The following ZNF552 variants were observed in gnomAD, a reference collection of about 807,000 sequenced individuals.
ZNF552 encodes zinc finger protein 552.
In ZNF552, 2 loss-of-function variants were observed where a neutral mutation model predicts 7.2. The observed-to-expected ratio is 0.28, with a 90% CI of 0.11 to 0.88. The LOEUF is 0.88. Among genes scored for constraint, ZNF552 ranks in the 40% least tolerant of loss-of-function variants. The probability of loss-of-function intolerance (pLI) is 0.60; values close to 1 mark genes in which losing one functional copy is unlikely to be tolerated. For missense variants in ZNF552, 421 were observed against 493.4 expected, an observed-to-expected ratio of 0.85 and a Z score of 1.39; for synonymous variants, 173 against 176.5, an observed-to-expected ratio of 0.98 and a Z score of 0.16.
intron 1 of ZNF552, 122 bp downstream of exon 1, chr19:57,814,589 G>A (rs1987922897): frequency 6.3e-7 from 1 of 1,577,694 alleles, no homozygotes; most frequent in Non-Finnish European, 8.6e-7. Context: ...CCTCCCGAGA[G>A]CGCCTCAGTG....
intron 2 of ZNF552, 148 bp downstream of exon 2, chr19:57,813,146 G>A: frequency 1.5e-6 from 2 of 1,335,678 alleles, no homozygotes; most frequent in East Asian, 2.5e-5. Flanking sequence ...GAATGGAGAG[G>A]GCAGTATGCA....
intron 1 of ZNF552, 110 bp downstream of exon 1, chr19:57,814,601 C>T (rs893508882): frequency 3.1e-6 from 5 of 1,590,268 alleles, no homozygotes; most frequent in Non-Finnish European, 4.3e-6. Context: ...GCCTCAGTGT[C>T]CCGACGCCGG....
chr19:57,808,565 C>T lies in ZNF552; in HGVS notation c.699G>A (p.Leu233=). 1 of 1,614,166 alleles carries T rather than the reference C, an allele frequency of 6.2e-7. No homozygotes were observed. The highest frequency in any genetic ancestry group is 8.5e-7 in the Non-Finnish European group (1 of 1,180,024). ...ACACAGAAGGTTCTTCTGTAGGGAG[C>T]AGTCTCTCGTGCTGACTGAGTATAT... ...TKDILSQHER[L]LPTEEPSVWC... Residue 233 remains leucine, a synonymous_variant, in exon 3 of 3, where the codon CTG becomes CTA. Transcript: ENST00000391701.
chr19:57,814,606 C>G, intron 1 of ZNF552, 105 bp downstream of exon 1: 1 of 1,595,544 alleles, frequency 6.3e-7, no homozygotes, highest in Non-Finnish European at 8.5e-7. Context: ...AGTGTCCCGA[C>G]GCCGGGTCCG....
In ZNF552 at chr19:57,808,458, G is replaced by A. The variant is rs34952901; in HGVS notation, c.806C>T (p.Thr269Met). 1,546 of 1,613,814 alleles carry A rather than the reference G, an allele frequency of 9.6e-4. 16 individuals are homozygous for A. In the African/African-American group the frequency reaches 0.018, roughly 19 times the overall value. The part of the protein sequence containing the change: ...QGVHTREKPY[T>M]CGICGKLFNS... ...AAATAATTTCCCACATATCCCACAC[G>A]TATAAGGTTTTTCTCTAGTGTGAAC... The change falls in exon 3 of 3, where the codon ACG becomes ATG. Residue 269 changes from threonine (T) to methionine (M), a missense_variant. By Grantham distance (81) the Thr-to-Met change is moderately conservative. Around this residue, in one of 2 missense-constraint regions of ZNF552, gnomAD observed 299 missense variants for 293.7 expected, o/e 1.02. Coordinates refer to ENST00000391701, the MANE Select transcript of ZNF552 (RefSeq NM_024762.3).
chr19:57,811,313 A>G (rs1987852704), intron 2 of ZNF552, among the ~76,000 whole-genome samples: 1 of 152,032 alleles, frequency 6.6e-6, no homozygotes, highest in Non-Finnish European at 1.5e-5. Flanking sequence ...AGCTGGGACT[A>G]CAGGCGCCCG....
intron 1 of ZNF552, among the ~76,000 whole-genome samples, chr19:57,814,066 A>C (rs1987911664): frequency 6.6e-6 from 1 of 152,040 alleles, no homozygotes; most frequent in African/African-American, 2.4e-5. Context: ...CGTTCCTTAA[A>C]TGCTTCTACA....
intron 2 of ZNF552, among the ~76,000 whole-genome samples, chr19:57,810,136 G>T (rs1987825969): frequency 6.6e-6 from 1 of 151,636 alleles, no homozygotes; most frequent in African/African-American, 2.4e-5. Context: ...GAGGAGAGGA[G>T]AGGGGAGGGA....
chr19:57,808,707 T>C lies in ZNF552; in HGVS notation c.557A>G (p.Gln186Arg), dbSNP rs1568490187. ...KDFLLRSGLL[Q>R]QEATHTGKSN... is the part of the protein sequence containing the mutation. ...CTTCCCAGTGTGAGTGGCCTCTTGC[T>C]GGAGTAATCCTGACCTGAGCAAAAA... The change falls in exon 3 of 3, where the codon CAG becomes CGG. Residue 186 changes from glutamine to arginine, a missense_variant. Physicochemically the swap from Gln to Arg is conservative, Grantham distance 43. This residue lies in a region of ZNF552 where 299 missense variants were observed against 293.7 expected (regional missense o/e 1.02). Coordinates refer to ENST00000391701, the MANE Select transcript of ZNF552 (RefSeq NM_024762.3). The C allele has an allele frequency of 1.2e-6, 2 of 1,614,220 alleles. No individual in the cohort carries two copies. The highest frequency in any genetic ancestry group is 2.2e-5 in the South Asian group (2 of 91,092).
At chr19:57,814,537 C>A (rs1306243591) in intron 1 of ZNF552, 174 bp downstream of exon 1, 1 of 1,539,820 alleles carries the variant, frequency 6.5e-7, no homozygotes, top group South Asian at 1.2e-5. Flanking sequence ...CTGTACCTGT[C>A]GCTCTCCCCA....
At chr19:57,810,391 A>G (rs1461731681) in intron 2 of ZNF552, among the ~76,000 whole-genome samples, 2 of 152,200 alleles carry the variant, frequency 1.3e-5, no homozygotes, top group Admixed American at 1.3e-4. Flanking sequence ...CAGACATAAG[A>G]GACTCCATTT....
intron 2 of ZNF552, among the ~76,000 whole-genome samples, chr19:57,809,671 A>C (rs1471655731): frequency 6.6e-6 from 1 of 152,066 alleles, no homozygotes; most frequent in Non-Finnish European, 1.5e-5. Flanking sequence ...TACAACTGAC[A>C]AGGAGTACAA....
In ZNF552 at chr19:57,810,480, A is replaced by G. The variant is rs1391189348; in HGVS notation, c.161-1377T>C. On this transcript the variant is annotated intron_variant, in intron 2 of 2. Transcript: ENST00000391701. Reference sequence around the variant, plus strand: ...CTACTCCCAACCCTGTGCTCCAGAAACATGTGCTGTGTCAACTCAAGGTTA... The same window carrying G: ...CTACTCCCAACCCTGTGCTCCAGAAGCATGTGCTGTGTCAACTCAAGGTTA... Among the ~76,000 whole-genome samples, 5 of 152,302 alleles carry G rather than the reference A, an allele frequency of 3.3e-5. No individual in the cohort carries two copies. In the East Asian group the frequency reaches 9.7e-4, roughly 29 times the overall value.
intron 2 of ZNF552, among the ~76,000 whole-genome samples, chr19:57,811,784 A>C (rs1987863736): frequency 6.6e-6 from 1 of 150,636 alleles, no homozygotes; most frequent in Non-Finnish European, 1.5e-5. Context: ...TAATCCCAGC[A>C]CTGTGGGAGG....
At chr19:57,811,969 C>T (rs1347635727) in intron 2 of ZNF552, among the ~76,000 whole-genome samples, 5 of 137,892 alleles carry the variant, frequency 3.6e-5, no homozygotes, top group Non-Finnish European at 6.0e-5. Flanking sequence ...GTGGAGGTTG[C>T]AGTGAGCCAA....
chr19:57,812,161 A>G (rs1311026990), intron 2 of ZNF552, among the ~76,000 whole-genome samples: 1 of 152,038 alleles, frequency 6.6e-6, no homozygotes, highest in African/African-American at 2.4e-5. Flanking sequence ...AGATCAAGCT[A>G]CTGCACTCCA....
At position 57,808,095 on chromosome 19, in the gene ZNF552, C is replaced by G. The variant is rs1314587517; in HGVS notation, c.1169G>C (p.Arg390Thr). 1.2e-6 allele frequency: 2 copies of G among 1,613,898 alleles called. No individual in the cohort carries two copies. Among genetic ancestry groups the G allele is most frequent in the African/African-American group, 1.3e-5 (1 of 74,878 alleles). ...YGCSECEKKFRQISSLRHHQR... is the reference protein window; with the variant it reads ...YGCSECEKKFTQISSLRHHQR... ...ATGATGACGAAGTGAAGAGATTTGC[C>G]TAAATTTTTTTTCACATTCACTGCA... is the stretch of plus-strand genomic sequence containing the variant. Residue 390 changes from arginine (R) to threonine (T), a missense_variant, in exon 3 of 3, where the codon AGG becomes ACG. By Grantham distance (71) the Arg-to-Thr change is moderately conservative. This residue lies in a region of ZNF552 where 299 missense variants were observed against 293.7 expected (regional missense o/e 1.02). Transcript: ENST00000391701.
Position 57,814,881 on chromosome 19 carries a change from G to C in ZNF552, c.-138C>G, listed in dbSNP as rs1203803125. ...CACGGTCCCAACACAGCGCTCCAAG[G>C]ACTCCCTAACGCCAATGGAAATGGT... On this transcript the variant is annotated 5_prime_UTR_variant, in exon 1 of 3. Coordinates refer to ENST00000391701, the MANE Select transcript of ZNF552 (RefSeq NM_024762.3). The C allele has an allele frequency of 3.3e-6, 3 of 896,278 alleles. No homozygotes were observed. Among genetic ancestry groups the C allele is most frequent in the Non-Finnish European group, 5.0e-6 (3 of 600,250 alleles). 55.5% of individuals were successfully genotyped at this position (896,278 alleles called of 1,614,324 possible). A position where few individuals can be genotyped will look rare whatever the true frequency, so the allele number is the denominator to read the frequency against.
At position 57,808,656 on chromosome 19, in the gene ZNF552, G is replaced by A. The variant is rs374514848; in HGVS notation, c.608C>T (p.Ser203Phe). ...ATGGCTTTTTCCCCCATGAAACAGAGACACACACTCAGTTTTGCTGTTTGA... is the reference window on the plus strand; with the variant it reads ...ATGGCTTTTTCCCCCATGAAACAGAAACACACACTCAGTTTTGCTGTTTGA... ...GKSNSKTECV[S>F]LFHGGKSHYS... is the part of the protein sequence containing the mutation. Residue 203 changes from serine to phenylalanine, a missense_variant, in exon 3 of 3, where the codon TCT becomes TTT. Physicochemically the swap from Ser to Phe is radical, Grantham distance 155 (BLOSUM62 -2). Coordinates refer to ENST00000391701, the MANE Select transcript of ZNF552 (RefSeq NM_024762.3). 6.2e-7 allele frequency: 1 copy of A among 1,614,052 alleles called. No homozygotes were observed. Among genetic ancestry groups the A allele is most frequent in the African/African-American group, 1.3e-5 (1 of 74,912 alleles).
Sources: allele counts gnomAD v4.1 joint callset (sites outside exome capture counted in the v4.1 genomes callset), GRCh38; gene constraint gnomAD v4.1.1; regional missense constraint gnomAD v4.1.1; transcripts MANE v1.5; gene names NCBI Gene and HGNC (gene_info 2026-07-23, HGNC 2026-07-21).